TAX1BP1: variants seen among roughly 807,000 people sequenced by gnomAD.
TAX1BP1 encodes the protein Tax1 binding protein 1.
In TAX1BP1, 62 loss-of-function variants were observed where a neutral mutation model predicts 97.7. The observed-to-expected ratio is 0.63, with a 90% CI of 0.52 to 0.78. The LOEUF (loss-of-function observed/expected upper bound fraction) is 0.78. TAX1BP1 is among the 30% of genes least tolerant of loss of function. The probability of loss-of-function intolerance (pLI) is 0.00; values close to 1 mark genes in which losing one functional copy is unlikely to be tolerated. For synonymous variants in TAX1BP1, 340 were observed against 304.2 expected (o/e 1.12, Z -1.23); for missense variants, 867 against 916.1 (o/e 0.95, Z 0.69).
At chr7:27,801,756 C>T (rs1790146249) in intron 13 of TAX1BP1, among the ~76,000 whole-genome samples, 1 of 152,142 alleles carries the variant, frequency 6.6e-6, no homozygotes, top group Admixed American at 6.5e-5. Flanking sequence ...GATCAAACAA[C>T]ATATCTAAAA....
intron 2 of TAX1BP1, among the ~76,000 whole-genome samples, chr7:27,757,717 G>A (rs1435959933): frequency 6.6e-6 from 1 of 152,006 alleles, no homozygotes; most frequent in African/African-American, 2.4e-5. Context: ...ACTGTGTTTA[G>A]TGAAATTAAA....
rs751405236 is a variant in TAX1BP1 at position 27,792,118 on chromosome 7, G to A, written c.1151G>A (p.Arg384Gln). 7 of 1,614,048 alleles carry A rather than the reference G, an allele frequency of 4.3e-6. No individual in the cohort carries two copies. The highest frequency in any genetic ancestry group is 2.2e-5 in the South Asian group (2 of 91,078). ...AKELSDAVNV[R>Q]DRTMADLHTA... ...GAACTCAGTGATGCTGTCAACGTAC[G>A]AGACAGAACGATGGCAGACCTGCAT... Residue 384 changes from arginine to glutamine, a missense_variant, in exon 9 of 17, where the codon CGA becomes CAA. Physicochemically the swap from Arg to Gln is conservative, Grantham distance 43 (BLOSUM62 1). Transcript: ENST00000396319.
At chr7:27,751,200 ATCT>A (rs1365954304) in intron 2 of TAX1BP1, among the ~76,000 whole-genome samples, 1 of 152,156 alleles carries the variant, frequency 6.6e-6, no homozygotes, top group South Asian at 2.1e-4. Context: ...AGAAAAAAAA[ATCT>A]TCTGTTTAAT....
At chr7:27,761,609 T>A (rs1788431995) in intron 3 of TAX1BP1, among the ~76,000 whole-genome samples, 1 of 152,224 alleles carries the variant, frequency 6.6e-6, no homozygotes, top group South Asian at 2.1e-4. Flanking sequence ...GATTGGCTTC[T>A]TTTACTTAGC....
chr7:27,827,892 C>G, intron 16 of TAX1BP1, 72 bp downstream of exon 16: 1 of 1,400,250 alleles, frequency 7.1e-7, no homozygotes, highest in Non-Finnish European at 1.0e-6. Flanking sequence ...TCCTTGGGAA[C>G]TCATTAGAAA....
chr7:27,822,403 T>G (rs567184767), intron 15 of TAX1BP1, among the ~76,000 whole-genome samples: 2 of 152,218 alleles, frequency 1.3e-5, no homozygotes, highest in Non-Finnish European at 1.5e-5. Flanking sequence ...GTGGAACTGC[T>G]GGGTCATGTG....
At chr7:27,781,702 AAATT>A (rs576835866) in intron 5 of TAX1BP1, among the ~76,000 whole-genome samples, 126 of 152,042 alleles carry the variant, frequency 8.3e-4, no homozygotes, top group African/African-American at 2.9e-3. Context: ...AGACTACACT[AAATT>A]AATTAATTAA....
At chr7:27,807,311 T>C (rs1306611242) in intron 13 of TAX1BP1, among the ~76,000 whole-genome samples, 2 of 152,144 alleles carry the variant, frequency 1.3e-5, no homozygotes, top group Admixed American at 6.5e-5. Flanking sequence ...ACAATACATA[T>C]TGAAATTGTA....
At chr7:27,771,253 CTT>C (rs111798171) in intron 5 of TAX1BP1, among the ~76,000 whole-genome samples, 4 of 133,538 alleles carry the variant, frequency 3.0e-5, no homozygotes, top group Non-Finnish European at 3.3e-5. Context: ...TAATGTCAAT[CTT>C]TTTTTTTTTT....
chr7:27,790,760 T>C (rs6944251), intron 8 of TAX1BP1, among the ~76,000 whole-genome samples: 120,397 of 152,052 alleles, frequency 0.79, 48,616 homozygotes, highest in African/African-American at 0.95. Context: ...ATGTTGTAAA[T>C]ATCTGATGAG....
At chr7:27,750,883 A>T (rs1201088614) in intron 2 of TAX1BP1, among the ~76,000 whole-genome samples, 1 of 152,142 alleles carries the variant, frequency 6.6e-6, no homozygotes, top group Non-Finnish European at 1.5e-5. Flanking sequence ...GACTATTGCA[A>T]TAGGTCAGCT....
At chr7:27,797,229 C>T (rs1012315893) in intron 12 of TAX1BP1, among the ~76,000 whole-genome samples, 1 of 152,028 alleles carries the variant, frequency 6.6e-6, no homozygotes, top group East Asian at 1.9e-4. Context: ...TATCTCCTGA[C>T]CTCGTGATCC....
intron 4 of TAX1BP1, among the ~76,000 whole-genome samples, chr7:27,768,138 GTT>G (rs767378313): frequency 4.6e-5 from 7 of 152,120 alleles, no homozygotes; most frequent in Admixed American, 1.3e-4. Flanking sequence ...AATAGTGGTG[GTT>G]TAAAGCCAAC....
In TAX1BP1 at chr7:27,829,726, A is replaced by G. The variant is rs970260531; in HGVS notation, c.*897A>G. On this transcript the variant is annotated 3_prime_UTR_variant, in exon 17 of 17. Transcript: ENST00000396319. ...TATGTCTGTGCTGTATAGAACTGTC[A>G]CTAACATTAAAGAAAGAGGACACAT... 3 of 152,202 alleles carry G rather than the reference A, an allele frequency of 2.0e-5. No individual in the cohort carries two copies. Among genetic ancestry groups the G allele is most frequent in the African/African-American group, 7.2e-5 (3 of 41,452 alleles). The allele number at this position is 152,202 out of a possible 1,614,324, so 9.4% of individuals were successfully genotyped here.
At chr7:27,745,137 C>G (rs1307427973) in intron 1 of TAX1BP1, among the ~76,000 whole-genome samples, 2 of 152,168 alleles carry the variant, frequency 1.3e-5, no homozygotes, top group African/African-American at 2.4e-5. Flanking sequence ...GAAGGGGAAT[C>G]AGAATTTGAC....
At chr7:27,809,692 A>C (rs1415710036) in intron 13 of TAX1BP1, among the ~76,000 whole-genome samples, 1 of 152,130 alleles carries the variant, frequency 6.6e-6, no homozygotes, top group Non-Finnish European at 1.5e-5. Context: ...AATTTATTGT[A>C]TCTTTGATGG....
At chr7:27,746,080 TA>T (rs1208926543) in intron 1 of TAX1BP1, among the ~76,000 whole-genome samples, 2 of 151,922 alleles carry the variant, frequency 1.3e-5, no homozygotes, top group African/African-American at 2.4e-5. Context: ...CCTTGTTTTA[TA>T]AAAAAAATAG....
At position 27,751,225 on chromosome 7, in the gene TAX1BP1, C is replaced by T. The variant is rs548738551; in HGVS notation, c.162+2539C>T. ...ATCTTCTGTTTAATACCCTTTCCAT[C>T]CTTTTTGCCAGCATAAAACTTTAAA... On this transcript the variant is annotated intron_variant, in intron 2 of 16. Transcript: ENST00000396319. Among the ~76,000 whole-genome samples the T allele has an allele frequency of 4.1e-4, 62 of 152,254 alleles. No individual in the cohort carries two copies. In the South Asian group the frequency reaches 4.6e-3, roughly 11 times the overall value.
chr7:27,774,376 C>CTA (rs1438718149), intron 5 of TAX1BP1, among the ~76,000 whole-genome samples: 18 of 151,958 alleles, frequency 1.2e-4, no homozygotes, highest in Admixed American at 1.0e-3. Context: ...ATGGATAAGT[C>CTA]GTCTAGTTAA....
Sources: gnomAD v4.1 joint callset for allele counts (sites outside exome capture counted in the v4.1 genomes callset) on GRCh38, gnomAD v4.1.1 for gene constraint, MANE v1.5 for transcripts, NCBI Gene and HGNC (gene_info 2026-07-23, HGNC 2026-07-21) for gene names.